Variants in CACNA1D observed in about 807,000 individuals in gnomAD.
CACNA1D encodes calcium voltage-gated channel subunit alpha1 D, also known as voltage-dependent L-type calcium channel subunit alpha-1D.
CACNA1D carries 55 observed loss-of-function variants against 257.1 expected under a neutral mutation model. The ratio of observed to expected loss-of-function variants is 0.21; its 90% CI spans 0.17 to 0.27. The LOEUF is 0.27. CACNA1D is among the 10% of genes least tolerant of loss of function. The probability of loss-of-function intolerance (pLI) is 1.00; values close to 1 mark genes in which losing one functional copy is unlikely to be tolerated. For missense variants in CACNA1D, 1,876 were observed against 2,784.0 expected, an observed-to-expected ratio of 0.67 and a Z score of 7.34; for synonymous variants, 980 against 1,014.9, an observed-to-expected ratio of 0.97 and a Z score of 0.65.
At chr3:53,680,171 A>G (rs934045871) in intron 8 of CACNA1D, among the ~76,000 whole-genome samples, 12 of 152,230 alleles carry the variant, frequency 7.9e-5, no homozygotes, top group African/African-American at 2.4e-4. Context: ...TTCCATAGAA[A>G]TGGCTGTCGG....
intron 39 of CACNA1D, chr3:53,782,264 G>GTGTATATATATATATATATA (rs6147823): frequency 6.4e-4 from 48 of 75,434 alleles, no homozygotes; most frequent in East Asian, 1.9e-3. Context: ...GTGTGTGTGT[G>GTGTATATATATATATATATA]TATATATATA....
chr3:53,554,524 G>A (rs1242656534), intron 3 of CACNA1D, among the ~76,000 whole-genome samples: 1 of 152,180 alleles, frequency 6.6e-6, no homozygotes, highest in Non-Finnish European at 1.5e-5. Context: ...CCACCTTTGA[G>A]TCCACAACAG....
chr3:53,572,909 C>T (rs532489257), intron 3 of CACNA1D, among the ~76,000 whole-genome samples: 10 of 152,304 alleles, frequency 6.6e-5, no homozygotes, highest in South Asian at 4.1e-4. Flanking sequence ...TTTGTGCTGG[C>T]GTCCACAGGC....
At chr3:53,732,200 C>T in intron 18 of CACNA1D, 118 bp downstream of exon 18, 2 of 775,854 alleles carry the variant, frequency 2.6e-6, no homozygotes, top group Non-Finnish European at 4.6e-6. Flanking sequence ...CTGCTGAGGC[C>T]ACCAAGGCCG....
At chr3:53,611,945 C>T (rs376164022) in intron 3 of CACNA1D, among the ~76,000 whole-genome samples, 22 of 152,286 alleles carry the variant, frequency 1.4e-4, no homozygotes, top group South Asian at 4.2e-4. Flanking sequence ...CAACAAGCTA[C>T]GGTCTGGGAT....
rs1438307812 is a variant in CACNA1D, at chr3:53,809,963, C to A, written c.5872-15C>A. 1 of 1,612,750 alleles carries A rather than the reference C, an allele frequency of 6.2e-7. No individual in the cohort carries two copies. Among genetic ancestry groups the A allele is most frequent in the Non-Finnish European group, 8.5e-7 (1 of 1,178,932 alleles). On this transcript the variant is annotated splice_polypyrimidine_tract_variant and intron_variant, in intron 46 of 47. Coordinates refer to ENST00000350061, the MANE Select transcript of CACNA1D (RefSeq NM_001128840.3). Reference sequence around the variant, plus strand: ...TGAGAACCTCTGGTCTCCCAACAGTCCCCTCTTTCCTCAGATCATGGCAGT... The same window carrying A: ...TGAGAACCTCTGGTCTCCCAACAGTACCCTCTTTCCTCAGATCATGGCAGT...
intron 3 of CACNA1D, among the ~76,000 whole-genome samples, chr3:53,632,643 G>A (rs1438298170): frequency 6.6e-6 from 1 of 152,224 alleles, no homozygotes; most frequent in African/African-American, 2.4e-5. Flanking sequence ...TTTAAAGTGA[G>A]ACATATGAGT....
rs1023933323 is a variant in CACNA1D, at chr3:53,786,888, A to G, written c.4859A>G (p.Lys1620Arg). Reference sequence around the variant, plus strand: ...ATACAGGACTACTTTAGGAAATTCAAGAAACGGAAAGAACAAGGACTGGTG... The same window carrying G: ...ATACAGGACTACTTTAGGAAATTCAGGAAACGGAAAGAACAAGGACTGGTG... ...FLIQDYFRKF[K>R]KRKEQGLVGK... Residue 1620 changes from lysine to arginine, a missense_variant, in exon 40 of 48, where the codon AAG becomes AGG. This residue lies in a region of CACNA1D where 160 missense variants were observed against 236.6 expected (regional missense o/e 0.68). Coordinates refer to ENST00000350061, the MANE Select transcript of CACNA1D (RefSeq NM_001128840.3). The G allele has an allele frequency of 1.2e-6, 2 of 1,613,900 alleles. No homozygotes were observed. Among genetic ancestry groups the G allele is most frequent in the African/African-American group, 2.7e-5 (2 of 74,928 alleles).
At position 53,803,476 on chromosome 3, in the gene CACNA1D, T is replaced by C. The variant is rs2106807996; in HGVS notation, c.5489T>C (p.Ile1830Thr). 5.6e-6 allele frequency: 9 copies of C among 1,614,206 alleles called. No individual in the cohort carries two copies. Among genetic ancestry groups the C allele is most frequent in the Non-Finnish European group, 7.6e-6 (9 of 1,180,008 alleles). The change falls in exon 44 of 48, where the codon ATA (isoleucine) becomes ACA (threonine). Residue 1830 changes from isoleucine to threonine, a missense_variant. Coordinates refer to ENST00000350061, the MANE Select transcript of CACNA1D (RefSeq NM_001128840.3). ...LPTICREDPE[I>T]HGYFRDPHCL... ...ACTATTTGCCGGGAAGACCCAGAGA[T>C]ACATGGCTATTTCAGGGACCCCCAC... is the stretch of plus-strand genomic sequence containing the variant.
intron 3 of CACNA1D, among the ~76,000 whole-genome samples, chr3:53,621,568 C>A (rs1158850724): frequency 6.6e-6 from 1 of 152,098 alleles, no homozygotes; most frequent in Non-Finnish European, 1.5e-5. Flanking sequence ...TAGGTATAAA[C>A]AAATGTTTCT....
intron 8 of CACNA1D, among the ~76,000 whole-genome samples, chr3:53,685,566 A>G (rs1273987747): frequency 1.3e-5 from 2 of 152,162 alleles, no homozygotes; most frequent in East Asian, 3.8e-4. Context: ...GACATAGACC[A>G]TATCTTGGCC....
At chr3:53,693,416 A>G (rs2094545701) in intron 8 of CACNA1D, among the ~76,000 whole-genome samples, 2 of 152,114 alleles carry the variant, frequency 1.3e-5, no homozygotes, top group African/African-American at 4.8e-5. Context: ...GCCAGTGCCA[A>G]TGATTAAAAA....
intron 3 of CACNA1D, among the ~76,000 whole-genome samples, chr3:53,508,451 A>G (rs1367319581): frequency 2.0e-5 from 3 of 152,184 alleles, no homozygotes; most frequent in South Asian, 2.1e-4. Flanking sequence ...CCCAATAGTT[A>G]TCTTTTCTGT....
intron 8 of CACNA1D, among the ~76,000 whole-genome samples, chr3:53,691,412 C>T (rs1005169445): frequency 1.6e-4 from 24 of 151,860 alleles, no homozygotes; most frequent in African/African-American, 5.6e-4. Context: ...TTGAAGAATA[C>T]CTCTTAAAAC....
chr3:53,587,163 A>G (rs937039604), intron 3 of CACNA1D, among the ~76,000 whole-genome samples: 1 of 152,348 alleles, frequency 6.6e-6, no homozygotes, highest in Middle Eastern at 3.4e-3. Flanking sequence ...TGCTGTGGCT[A>G]TTAGGCAGAA....
rs544516094 is a variant in CACNA1D at position 53,557,351 on chromosome 3, G to A, written c.483+55631G>A. On this transcript the variant is annotated intron_variant, in intron 3 of 47. Transcript: ENST00000350061. The stretch of plus-strand genomic sequence containing the variant: ...CTCTACAAAAAATACAAAATTAGCC[G>A]GGTGTGGTGGTGCATGCTTGTAATC... Among the ~76,000 whole-genome samples, 6 of 152,048 alleles carry A rather than the reference G, an allele frequency of 3.9e-5. No individual in the cohort carries two copies. In the South Asian group the frequency reaches 8.3e-4, roughly 21 times the overall value.
intron 30 of CACNA1D, 60 bp downstream of exon 30, chr3:53,762,141 C>G: frequency 9.8e-7 from 1 of 1,021,650 alleles, no homozygotes; most frequent in Non-Finnish European, 1.6e-6. Flanking sequence ...TGTGCATACT[C>G]CGCTCCCTGC....
intron 8 of CACNA1D, among the ~76,000 whole-genome samples, chr3:53,691,436 A>G (rs1228824018): frequency 1.3e-5 from 2 of 151,922 alleles, no homozygotes; most frequent in Non-Finnish European, 2.9e-5. Flanking sequence ...TTTAAGTTTT[A>G]AAAAGATTGA....
intron 19 of CACNA1D, 83 bp downstream of exon 19, chr3:53,733,045 G>A: frequency 2.1e-6 from 3 of 1,413,696 alleles, no homozygotes; most frequent in Non-Finnish European, 3.0e-6. Flanking sequence ...GGGTGGGGGT[G>A]AGGGGAAGTG....
Sources: allele counts gnomAD v4.1 joint callset (sites outside exome capture counted in the v4.1 genomes callset), GRCh38; gene constraint gnomAD v4.1.1; regional missense constraint gnomAD v4.1.1; transcripts MANE v1.5; gene names NCBI Gene and HGNC (gene_info 2026-07-23, HGNC 2026-07-21).